PARG: variants seen among roughly 807,000 people sequenced by gnomAD.
PARG encodes the protein mitochondrial poly(ADP-ribose) glycohydrolase.
PARG carries 35 observed loss-of-function variants against 113.0 expected under a neutral mutation model. The ratio of observed to expected loss-of-function variants is 0.31; its 90% CI spans 0.24 to 0.41. The LOEUF (loss-of-function observed/expected upper bound fraction) is 0.41. Ranked by LOEUF, PARG falls within the 10% of genes least tolerant of loss-of-function variation. The probability of loss-of-function intolerance (pLI) is 1.00; values close to 1 mark genes in which losing one functional copy is unlikely to be tolerated. For synonymous variants in PARG, 330 were observed against 409.9 expected, an observed-to-expected ratio of 0.81 and a Z score of 2.36; for missense variants, 797 against 1,169.4, an observed-to-expected ratio of 0.68 and a Z score of 4.64.
intron 7 of PARG, among the ~76,000 whole-genome samples, chr10:49,912,216 C>T (rs549043911): frequency 3.8e-4 from 58 of 152,140 alleles, no homozygotes; most frequent in Non-Finnish European, 7.8e-4. Context: ...ACAAGAATTG[C>T]TTGAACCTGG....
intron 7 of PARG, among the ~76,000 whole-genome samples, chr10:49,890,342 T>C (rs1847710212): frequency 6.6e-6 from 1 of 152,212 alleles, no homozygotes; most frequent in African/African-American, 2.4e-5. Flanking sequence ...TATACATATA[T>C]TTCAGTCAGG....
chr10:49,820,019 G>GC, intron 17 of PARG, 146 bp downstream of exon 17: 1 of 601,558 alleles, frequency 1.7e-6, no homozygotes, highest in Admixed American at 3.1e-5. Flanking sequence ...TGCAAATGCT[G>GC]CCCCTCTGAG....
At chr10:49,822,871 T>C (rs1394926594) in intron 16 of PARG, among the ~76,000 whole-genome samples, 2 of 152,036 alleles carry the variant, frequency 1.3e-5, no homozygotes, top group Non-Finnish European at 2.9e-5. Flanking sequence ...GCAGACAAAC[T>C]CAAAGAACGT....
At chr10:49,843,386 T>C (rs955278320) in intron 14 of PARG, among the ~76,000 whole-genome samples, 168 bp downstream of exon 14, 13 of 152,242 alleles carry the variant, frequency 8.5e-5, no homozygotes, top group Non-Finnish European at 1.3e-4. Flanking sequence ...TACAGGAAGA[T>C]GGTAATAGTG....
At chr10:49,845,244 A>T (rs1220281283) in intron 13 of PARG, among the ~76,000 whole-genome samples, 3 of 152,234 alleles carry the variant, frequency 2.0e-5, no homozygotes, top group Admixed American at 2.0e-4. Flanking sequence ...GTAACCTTTG[A>T]CCTACAATTT....
At chr10:49,835,477 G>T (rs1554830942) in intron 15 of PARG, among the ~76,000 whole-genome samples, 1 of 152,106 alleles carries the variant, frequency 6.6e-6, no homozygotes, top group Non-Finnish European at 1.5e-5. Context: ...AATGAGTTTT[G>T]ATGGGAAGGG....
intron 13 of PARG, among the ~76,000 whole-genome samples, chr10:49,857,009 C>CAAAAAAAAAAAAAAAAAAAAAAAAAAA (rs71270682): frequency 1.3e-5 from 1 of 74,628 alleles, no homozygotes; most frequent in Non-Finnish European, 2.5e-5. Flanking sequence ...ACCTCTGTCT[C>CAAAAAAAAAAAAAAAAAAAAAAAAAAA]AAAAAAAAAA....
intron 16 of PARG, among the ~76,000 whole-genome samples, chr10:49,830,714 T>C (rs368279786): frequency 4.3e-4 from 65 of 151,984 alleles, no homozygotes; most frequent in African/African-American, 1.5e-3. Context: ...AAATGAAAAA[T>C]AGTAACAAAG....
At chr10:49,903,046 C>T (rs1554844062) in intron 7 of PARG, among the ~76,000 whole-genome samples, 2 of 151,886 alleles carry the variant, frequency 1.3e-5, no homozygotes, top group South Asian at 2.1e-4. Flanking sequence ...AGGATGGTCT[C>T]GATCTCTTGA....
intron 7 of PARG, 122 bp from the exon 8 acceptor site, chr10:49,885,417 C>A (rs1321800074): frequency 1.6e-5 from 10 of 635,470 alleles, no homozygotes; most frequent in Admixed American, 2.6e-5. Context: ...TAAAGTGGCA[C>A]CCTATCAGCA....
chr10:49,883,275 TTA>T (rs1847301677), intron 8 of PARG, among the ~76,000 whole-genome samples: 2 of 152,110 alleles, frequency 1.3e-5, no homozygotes, highest in South Asian at 4.1e-4. Flanking sequence ...CATGGGACCA[TTA>T]TACACATTCA....
intron 10 of PARG, 34 bp from the exon 11 acceptor site, chr10:49,865,415 AT>A: frequency 1.5e-6 from 1 of 647,438 alleles, no homozygotes; most frequent in Non-Finnish European, 2.8e-6. Flanking sequence ...CATACCCAAA[AT>A]AAGTTTCAAT....
At chr10:49,912,523 T>C (rs1433808965) in intron 7 of PARG, among the ~76,000 whole-genome samples, 3 of 151,478 alleles carry the variant, frequency 2.0e-5, no homozygotes, top group Non-Finnish European at 2.9e-5. Context: ...ATTAGCTGGG[T>C]GTGGTGGCGC....
At chr10:49,870,040 G>A (rs553428062) in intron 9 of PARG, among the ~76,000 whole-genome samples, 2 of 152,212 alleles carry the variant, frequency 1.3e-5, no homozygotes, top group African/African-American at 4.8e-5. Flanking sequence ...AAGATATCAG[G>A]GCTCAACAAT....
chr10:49,910,899 C>T (rs1554846072), intron 7 of PARG, among the ~76,000 whole-genome samples: 2 of 151,848 alleles, frequency 1.3e-5, no homozygotes, highest in Non-Finnish European at 1.5e-5. Flanking sequence ...AAATACGTCC[C>T]CCATGCCCTT....
intron 4 of PARG, among the ~76,000 whole-genome samples, chr10:49,924,542 G>C (rs2812983): frequency 0.17 from 20,936 of 123,006 alleles, 2,115 homozygotes; most frequent in Middle Eastern, 0.22. Flanking sequence ...TCTAAGCCCC[G>C]CAACCAACTG....
At chr10:49,912,688 G>A (rs1214880972) in intron 7 of PARG, among the ~76,000 whole-genome samples, 1 of 146,974 alleles carries the variant, frequency 6.8e-6, no homozygotes, top group Admixed American at 6.8e-5. Context: ...TTATAGGCCA[G>A]GCACAGTGGC....
intron 8 of PARG, among the ~76,000 whole-genome samples, chr10:49,882,293 CCTTT>C (rs879986000): frequency 2.0e-5 from 3 of 150,526 alleles, no homozygotes; most frequent in Non-Finnish European, 3.0e-5. Flanking sequence ...AAATTTGTTT[CCTTT>C]AATTTTATTT....
intron 7 of PARG, among the ~76,000 whole-genome samples, chr10:49,898,180 A>T (rs1554843206): frequency 1.3e-5 from 2 of 152,252 alleles, no homozygotes; most frequent in Non-Finnish European, 2.9e-5. Context: ...CATCCATAGT[A>T]AGGATAATTC....
Sources: gnomAD v4.1 joint callset for allele counts (sites outside exome capture counted in the v4.1 genomes callset) on GRCh38, gnomAD v4.1.1 for gene constraint, MANE v1.5 for transcripts, NCBI Gene and HGNC (gene_info 2026-07-23, HGNC 2026-07-21) for gene names.